The following SEMA5B variants were observed in gnomAD, a reference collection of about 807,000 sequenced individuals.
SEMA5B encodes semaphorin-5B.
Under a neutral mutation model 135.0 loss-of-function variants are expected in SEMA5B, and 66 were observed. That is an observed-to-expected ratio of 0.49 (90% CI 0.40 to 0.60). SEMA5B has a LOEUF of 0.60. Among genes scored for constraint, SEMA5B ranks in the 20% least tolerant of loss-of-function variants. The pLI, the probability that SEMA5B is intolerant of heterozygous loss-of-function variation, is 0.00. For synonymous variants in SEMA5B, 690 were observed against 639.5 expected (o/e 1.08, Z -1.19); for missense variants, 1,501 against 1,566.3 (o/e 0.96, Z 0.70).
At chr3:122,995,357 A>G (rs1224569503) in intron 1 of SEMA5B, among the ~76,000 whole-genome samples, 1 of 152,170 alleles carries the variant, frequency 6.6e-6, no homozygotes, top group African/African-American at 2.4e-5. Context: ...CCAAAAGGTA[A>G]GAAAAGGGAA....
At chr3:123,006,398 T>C (rs532738496) in intron 1 of SEMA5B, among the ~76,000 whole-genome samples, 1 of 152,354 alleles carries the variant, frequency 6.6e-6, no homozygotes, top group African/African-American at 2.4e-5. Flanking sequence ...CACCACTGAT[T>C]AGTTACTTTT....
intron 1 of SEMA5B, among the ~76,000 whole-genome samples, chr3:122,970,893 T>C (rs1390437854): frequency 6.6e-6 from 1 of 152,218 alleles, no homozygotes; most frequent in Non-Finnish European, 1.5e-5. Context: ...ATACCCTCTT[T>C]CTGGGGGTTG....
intron 1 of SEMA5B, among the ~76,000 whole-genome samples, chr3:122,979,623 C>T (rs1278372278): frequency 1.3e-5 from 2 of 152,186 alleles, no homozygotes; most frequent in African/African-American, 4.8e-5. Context: ...GGGATGTCCC[C>T]CCATCACTTT....
At chr3:122,927,728 A>T in intron 8 of SEMA5B, 62 bp downstream of exon 8, 3 of 1,223,280 alleles carry the variant, frequency 2.5e-6, no homozygotes, top group Non-Finnish European at 3.3e-6. Context: ...TGGGGGGCTC[A>T]GGGTGGGCTG....
chr3:122,929,675 A>G (rs1220440402), intron 5 of SEMA5B, among the ~76,000 whole-genome samples: 1 of 152,156 alleles, frequency 6.6e-6, no homozygotes, highest in Non-Finnish European at 1.5e-5. Flanking sequence ...CTTAAGGGCT[A>G]GGACTTCCCC....
chr3:122,961,191 G>C lies in SEMA5B; in HGVS notation c.73C>G (p.Gln25Glu). ...CCTACTGTCCATCCACACCTTAGCT[G>C]TTGGGCTGGGGTATCAGGCGGCCCA... ...VPGPPDTPAQ[Q>E]LRCGWTVGGW... The change falls in exon 2 of 23, where the codon CAG (glutamine) becomes GAG (glutamate). Residue 25 changes from glutamine (Q) to glutamate (E), a missense_variant. This residue lies in a region of SEMA5B where 574 missense variants were observed against 684.7 expected (regional missense o/e 0.84). Transcript: ENST00000357599. 1 of 1,613,878 alleles carries C rather than the reference G, an allele frequency of 6.2e-7. No homozygotes were observed. The highest frequency in any genetic ancestry group is 8.5e-7 in the Non-Finnish European group (1 of 1,179,876).
At position 122,969,735 on chromosome 3, in the gene SEMA5B, C is replaced by T. The variant is rs904048798; in HGVS notation, c.-38-8434G>A. ...CCTTCTGCTTTCCCAAGTTCCCTGA[C>T]GCAGGGAAAGTCACTGCTTATTAGT... On this transcript the variant is annotated intron_variant, in intron 1 of 22. Coordinates refer to ENST00000357599, the MANE Select transcript of SEMA5B (RefSeq NM_001031702.4). Among the ~76,000 whole-genome samples, 6 of 152,120 alleles carry T rather than the reference C, an allele frequency of 3.9e-5. No individual in the cohort carries two copies. The East Asian group carries it at 5.8e-4, about 15-fold the overall frequency.
chr3:122,928,546 C>T lies in SEMA5B; in HGVS notation c.607G>A (p.Ala203Thr). ...GRKVFMCGTN[A>T]FSPMCTSRQV... ...CTGCTGGTGCACATGGGGGAAAAGG[C>T]ATTGGTTCCACACATGAACACCTTC... Residue 203 changes from alanine to threonine, a missense_variant, in exon 7 of 23, where the codon GCC becomes ACC. By Grantham distance (58) the Ala-to-Thr change is moderately conservative (BLOSUM62 0). This residue lies in a region of SEMA5B where 574 missense variants were observed against 684.7 expected (regional missense o/e 0.84). Coordinates refer to ENST00000357599, the MANE Select transcript of SEMA5B (RefSeq NM_001031702.4). 1 of 1,565,346 alleles carries T rather than the reference C, an allele frequency of 6.4e-7. No homozygotes were observed. Among genetic ancestry groups the T allele is most frequent in the Non-Finnish European group, 8.7e-7 (1 of 1,154,426 alleles).
chr3:122,998,106 G>C (rs969106746), intron 1 of SEMA5B, among the ~76,000 whole-genome samples: 1 of 152,160 alleles, frequency 6.6e-6, no homozygotes, highest in Non-Finnish European at 1.5e-5. Flanking sequence ...CCTCACAGGA[G>C]CCTCCCTTGG....
At chr3:122,914,035 CCT>C in intron 14 of SEMA5B, 34 bp from the exon 15 acceptor site, 1 of 1,531,906 alleles carries the variant, frequency 6.5e-7, no homozygotes, top group Non-Finnish European at 8.8e-7. Flanking sequence ...GACAGATGCC[CCT>C]CTGAGCCCTA....
In SEMA5B at chr3:122,989,807, C is replaced by CTCT. The variant is rs1941820954; in HGVS notation, c.-38-28507_-38-28506insAGA. On this transcript the variant is annotated intron_variant, in intron 1 of 22. Transcript: ENST00000357599. ...TGAGCTTTTCAGAGAAAATTGGTTC[C>CTCT]CTGGGGGAGTAAAGGTCAGAAAAAG... 2.0e-5 allele frequency among the ~76,000 whole-genome samples: 3 copies of CTCT among 152,230 alleles called. No individual in the cohort carries two copies. The South Asian group carries it at 6.2e-4, about 32-fold the overall frequency.
intron 1 of SEMA5B, among the ~76,000 whole-genome samples, chr3:123,010,808 CAAAA>C (rs138507516): frequency 0.025 from 1,587 of 63,478 alleles, 25 homozygotes; most frequent in African/African-American, 0.069. Flanking sequence ...GTCTCCATCT[CAAAA>C]AAAAAAAAAA....
chr3:122,911,783 G>C (rs560774915), intron 20 of SEMA5B, 137 bp downstream of exon 20: 2 of 1,207,818 alleles, frequency 1.7e-6, no homozygotes, highest in Admixed American at 2.9e-5. Context: ...GTTTTCTTTC[G>C]GCATCTCCTT....
chr3:122,932,243 A>ATT (rs71136597), intron 5 of SEMA5B, among the ~76,000 whole-genome samples: 1,658 of 85,304 alleles, frequency 0.019, 336 homozygotes, highest in East Asian at 0.038. Context: ...TCTCAATATG[A>ATT]TTTTTTTTTT....
chr3:122,922,027 C>T lies in SEMA5B; in HGVS notation c.1576G>A (p.Glu526Lys). The T allele has an allele frequency of 5.3e-6, 8 of 1,504,080 alleles. No homozygotes were observed. Among genetic ancestry groups the T allele is most frequent in the Non-Finnish European group, 7.1e-6 (8 of 1,129,362 alleles). 93.2% of individuals were successfully genotyped at this position (1,504,080 alleles called of 1,614,324 possible). The change falls in exon 12 of 23, where the codon GAG becomes AAG. Residue 526 changes from glutamate (E) to lysine (K), a missense_variant. Transcript: ENST00000357599. The part of the protein sequence containing the change: ...ELHVLPPGRR[E>K]PLRSLRILHS... ...AGGATGCGCAGGCTGCGCAGGGGCTCGCGGCGCCCGGGGGGCAGCACGTGC... is the reference window on the plus strand; with the variant it reads ...AGGATGCGCAGGCTGCGCAGGGGCTTGCGGCGCCCGGGGGGCAGCACGTGC...
chr3:122,922,135 G>C lies in SEMA5B; in HGVS notation c.1481-13C>G. On this transcript the variant is annotated splice_polypyrimidine_tract_variant and intron_variant, in intron 11 of 22. Coordinates refer to ENST00000357599, the MANE Select transcript of SEMA5B (RefSeq NM_001031702.4). ...ATGGTGCCCGACTCTGGAGGAGAGG[G>C]GGAGCCAGACCAAGGTGGCCTTGAA... 2 of 1,527,416 alleles carry C rather than the reference G, an allele frequency of 1.3e-6. No individual in the cohort carries two copies. Among genetic ancestry groups the C allele is most frequent in the Non-Finnish European group, 1.8e-6 (2 of 1,131,318 alleles). The allele number at this position is 1,527,416 out of a possible 1,614,324, so 94.6% of individuals were successfully genotyped here.
At chr3:122,954,149 T>C (rs1276784048) in intron 2 of SEMA5B, among the ~76,000 whole-genome samples, 1 of 152,252 alleles carries the variant, frequency 6.6e-6, no homozygotes, top group Non-Finnish European at 1.5e-5. Context: ...AACCTCAAGC[T>C]GCTGGCCTCA....
intron 1 of SEMA5B, chr3:122,975,122 C>G (rs1274163338): frequency 6.6e-6 from 1 of 152,286 alleles, no homozygotes; most frequent in Non-Finnish European, 1.5e-5. Flanking sequence ...TAGTCAAGTG[C>G]TCACAGGTGT....
intron 1 of SEMA5B, among the ~76,000 whole-genome samples, chr3:122,966,469 A>G (rs942483233): frequency 6.6e-6 from 1 of 152,142 alleles, no homozygotes; most frequent in African/African-American, 2.4e-5. Flanking sequence ...AAGTGAAACA[A>G]CCACTCTCAG....
Sources: allele counts gnomAD v4.1 joint callset (sites outside exome capture counted in the v4.1 genomes callset), GRCh38; gene constraint gnomAD v4.1.1; regional missense constraint gnomAD v4.1.1; transcripts MANE v1.5; gene names NCBI Gene and HGNC (gene_info 2026-07-23, HGNC 2026-07-21).